The following TRPC6 variants were observed in gnomAD, a reference collection of about 807,000 sequenced individuals.
TRPC6 encodes the protein transient receptor potential cation channel subfamily C member 6, also known as short transient receptor potential channel 6.
TRPC6 carries 55 observed loss-of-function variants against 90.7 expected under a neutral mutation model. That is an observed-to-expected ratio of 0.61 (90% CI 0.49 to 0.76). The LOEUF (loss-of-function observed/expected upper bound fraction) is 0.76. Ranked by LOEUF, TRPC6 falls within the 30% of genes least tolerant of loss-of-function variation. The pLI is 0.00. For synonymous variants in TRPC6, 393 were observed against 393.0 expected, an observed-to-expected ratio of 1.00 and a Z score of 0.00; for missense variants, 989 against 1,122.7, an observed-to-expected ratio of 0.88 and a Z score of 1.70.
intron 1 of TRPC6, among the ~76,000 whole-genome samples, chr11:101,568,244 A>G (rs73584491): frequency 0.022 from 3,310 of 152,314 alleles, 134 homozygotes; most frequent in African/African-American, 0.075. Context: ...ATACATGCCA[A>G]ATTGATCAAG....
chr11:101,472,036 AG>A (rs1458695169), intron 8 of TRPC6, 100 bp downstream of exon 8: 2 of 1,223,616 alleles, frequency 1.6e-6, no homozygotes, highest in African/African-American at 3.0e-5. Context: ...GAATGAACAA[AG>A]GGCGAAGAGC....
intron 5 of TRPC6, among the ~76,000 whole-genome samples, chr11:101,480,093 G>T (rs978639765): frequency 2.6e-5 from 4 of 152,080 alleles, no homozygotes; most frequent in Non-Finnish European, 5.9e-5. Flanking sequence ...CAGGAAAATT[G>T]CTTGAACCCG....
At position 101,453,016 on chromosome 11, in the gene TRPC6, A is replaced by C; in HGVS notation, c.2735T>G (p.Leu912Arg). The C allele has an allele frequency of 6.2e-7, 1 of 1,613,912 alleles. No individual in the cohort carries two copies. Among genetic ancestry groups the C allele is most frequent in the Non-Finnish European group, 8.5e-7 (1 of 1,179,884 alleles). The change falls in exon 13 of 13, where the codon CTT becomes CGT. Residue 912 changes from leucine to arginine, a missense_variant. By Grantham distance (102) the Leu-to-Arg change is moderately radical (BLOSUM62 -2). Coordinates refer to ENST00000344327, the MANE Select transcript of TRPC6 (RefSeq NM_004621.6). The stretch of plus-strand genomic sequence containing the variant: ...TAATTTCTCTCCAAGTTCTCTAATA[A>C]GTTCTGCTAGGTCTTCTGTATTCTG... The part of the protein sequence containing the change: ...KSQNTEDLAE[L>R]IRELGEKLSM...
intron 1 of TRPC6, among the ~76,000 whole-genome samples, chr11:101,535,277 A>G (rs145657770): frequency 1.2e-3 from 177 of 152,330 alleles, no homozygotes; most frequent in African/African-American, 4.2e-3. Context: ...TAAGAAATGT[A>G]TAATAACATA....
intron 9 of TRPC6, among the ~76,000 whole-genome samples, chr11:101,470,816 CCCTCCCCG>C (rs1859274625): frequency 4.9e-5 from 3 of 60,616 alleles, no homozygotes; most frequent in Admixed American, 1.6e-4. Context: ...CGCCCCCCCC[CCCTCCCCG>C]AGTCATAACA....
chr11:101,519,825 G>A (rs1380208429), intron 1 of TRPC6: 1 of 153,354 alleles, frequency 6.5e-6, no homozygotes, highest in Non-Finnish European at 1.5e-5. Context: ...TCTTTACTGA[G>A]TGAGGGGGTC....
intron 5 of TRPC6, among the ~76,000 whole-genome samples, chr11:101,479,148 T>TGC (rs1412376214): frequency 2.6e-5 from 4 of 152,192 alleles, no homozygotes; most frequent in Non-Finnish European, 5.9e-5. Flanking sequence ...CCTAACTAAC[T>TGC]GCTGTGCTTG....
intron 1 of TRPC6, among the ~76,000 whole-genome samples, chr11:101,559,424 T>C (rs1293436602): frequency 2.6e-5 from 4 of 152,254 alleles, no homozygotes; most frequent in African/African-American, 2.4e-5. Context: ...AGCAATTCCC[T>C]AGGGAGTGAT....
Position 101,526,629 on chromosome 11 carries a change from G to A in TRPC6, c.171-21831C>T, listed in dbSNP as rs141847504. Among the ~76,000 whole-genome samples, 1,076 of 151,886 alleles carry A rather than the reference G, an allele frequency of 7.1e-3. 39 individuals are homozygous for A. In the East Asian group the frequency reaches 0.099, roughly 14 times the overall value. On this transcript the variant is annotated intron_variant, in intron 1 of 12. Coordinates refer to ENST00000344327, the MANE Select transcript of TRPC6 (RefSeq NM_004621.6). ...TGTAATCCCAGCACTTTGGGAGGCC[G>A]AGGCAGGCAGATCACGAGGTCAGGA...
At chr11:101,481,044 T>C (rs1347847793) in intron 5 of TRPC6, among the ~76,000 whole-genome samples, 1 of 152,232 alleles carries the variant, frequency 6.6e-6, no homozygotes, top group Non-Finnish European at 1.5e-5. Context: ...ATGAAGTGAT[T>C]TGAAAGTTTT....
chr11:101,465,926 C>T (rs552218309), intron 10 of TRPC6, among the ~76,000 whole-genome samples: 5 of 152,296 alleles, frequency 3.3e-5, no homozygotes, highest in Admixed American at 1.3e-4. Context: ...TCTTGTTTCT[C>T]ACCATCTTTG....
At chr11:101,490,067 T>C (rs1460693887) in intron 3 of TRPC6, among the ~76,000 whole-genome samples, 2 of 152,170 alleles carry the variant, frequency 1.3e-5, no homozygotes, top group South Asian at 2.1e-4. Context: ...ATTTGACATA[T>C]TAATTCCACA....
At chr11:101,564,047 A>G (rs184669879) in intron 1 of TRPC6, among the ~76,000 whole-genome samples, 96 of 152,176 alleles carry the variant, frequency 6.3e-4, no homozygotes, top group African/African-American at 2.2e-3. Flanking sequence ...TAAAGAATCC[A>G]ATGTGAGACA....
intron 1 of TRPC6, among the ~76,000 whole-genome samples, chr11:101,508,701 G>A (rs1404120525): frequency 2.0e-5 from 3 of 152,032 alleles, no homozygotes; most frequent in African/African-American, 7.3e-5. Flanking sequence ...AAGAAAAACT[G>A]TAAATTTAAG....
intron 1 of TRPC6, among the ~76,000 whole-genome samples, chr11:101,534,959 C>T (rs556611157): frequency 6.6e-6 from 1 of 151,988 alleles, no homozygotes; most frequent in Non-Finnish European, 1.5e-5. Flanking sequence ...GTCAAGGGTT[C>T]GCGAACAGCC....
chr11:101,460,099 T>C (rs1591521755), intron 10 of TRPC6, among the ~76,000 whole-genome samples: 2 of 152,196 alleles, frequency 1.3e-5, no homozygotes, highest in South Asian at 4.2e-4. Flanking sequence ...AAGTGCAGTT[T>C]TGATAAGGAA....
intron 5 of TRPC6, among the ~76,000 whole-genome samples, chr11:101,479,288 C>T (rs1285658486): frequency 3.3e-5 from 5 of 152,234 alleles, no homozygotes; most frequent in African/African-American, 9.6e-5. Context: ...AGGACTGCAT[C>T]TGCTTTCTCA....
chr11:101,453,787 G>A (rs1858820744), intron 11 of TRPC6, 62 bp from the exon 12 acceptor site: 1 of 1,514,866 alleles, frequency 6.6e-7, no homozygotes. Context: ...TCTCTCATTT[G>A]GAACAAGTTT....
chr11:101,506,108 G>A (rs1367571574), intron 1 of TRPC6, among the ~76,000 whole-genome samples: 1 of 151,612 alleles, frequency 6.6e-6, no homozygotes, highest in Non-Finnish European at 1.5e-5. Context: ...ATAACTTCGT[G>A]TCTTAAGGTC....
Sources: allele counts gnomAD v4.1 joint callset (sites outside exome capture counted in the v4.1 genomes callset), GRCh38; gene constraint gnomAD v4.1.1; transcripts MANE v1.5; gene names NCBI Gene and HGNC (gene_info 2026-07-23, HGNC 2026-07-21).